AIG1: variants seen among roughly 807,000 people sequenced by gnomAD.
AIG1 encodes androgen-induced gene 1 protein.
AIG1 carries 23 observed loss-of-function variants against 31.4 expected under a neutral mutation model. That is an observed-to-expected ratio of 0.73 (90% confidence interval 0.53 to 1.04). The LOEUF (loss-of-function observed/expected upper bound fraction) is 1.04, where lower values mean the gene tolerates loss of function less well. AIG1 is among the 50% of genes least tolerant of loss of function. The pLI is 0.00. For synonymous variants in AIG1, 100 were observed against 110.5 expected (o/e 0.90, Z 0.60); for missense variants, 274 against 295.0 (o/e 0.93, Z 0.52).
Position 143,284,197 on chromosome 6 carries a change from T to G in AIG1, c.487T>G (p.Cys163Gly). 6.2e-7 allele frequency: 1 copy of G among 1,613,648 alleles called. No individual in the cohort carries two copies. Among genetic ancestry groups the G allele is most frequent in the Non-Finnish European group, 8.5e-7 (1 of 1,179,586 alleles). The change falls in exon 4 of 6, where the codon TGT becomes GGT. Residue 163 changes from cysteine to glycine, a missense_variant. Transcript: ENST00000357847. The surrounding 1 kb of genome is among the most constrained non-coding windows in gnomAD (Gnocchi z 4.4). ...PSRSSGLTAICTFSVGYILWV... is the reference protein window; with the variant it reads ...PSRSSGLTAIGTFSVGYILWV... ...CAGGAGCAGCGGACTTACCGCCATA[T>G]GTACCTTCTCTGTTGGCTATATATT...
intron 4 of AIG1, among the ~76,000 whole-genome samples, chr6:143,300,967 T>C (rs1032822882): frequency 1.3e-5 from 2 of 152,212 alleles, no homozygotes; most frequent in African/African-American, 2.4e-5. Context: ...TTTATTTATT[T>C]CTTTTTTTTG....
chr6:143,191,259 ATC>A (rs1401214442), intron 3 of AIG1, among the ~76,000 whole-genome samples: 2 of 152,198 alleles, frequency 1.3e-5, no homozygotes, highest in African/African-American at 4.8e-5. Flanking sequence ...TACTGGCATC[ATC>A]TCAAGATTCT....
rs192399808 is a variant in AIG1 at position 143,065,176 on chromosome 6, T to C, written c.141+4110T>C. On this transcript the variant is annotated intron_variant, in intron 1 of 5. Coordinates refer to ENST00000357847, the MANE Select transcript of AIG1 (RefSeq NM_016108.4). Reference sequence around the variant, plus strand: ...ATTGGCTGTTTTACTTCTTTTGTGGTTTTTCGGTTGCCCCAGACTTCTTGG... The same window carrying C: ...ATTGGCTGTTTTACTTCTTTTGTGGCTTTTCGGTTGCCCCAGACTTCTTGG... 3.3e-4 allele frequency among the ~76,000 whole-genome samples: 51 copies of C among 152,254 alleles called. No individual in the cohort carries two copies. The East Asian group carries it at 8.3e-3, about 25-fold the overall frequency.
At chr6:143,114,900 A>G (rs1172003880) in intron 1 of AIG1, among the ~76,000 whole-genome samples, 1 of 152,320 alleles carries the variant, frequency 6.6e-6, no homozygotes, top group East Asian at 1.9e-4. Flanking sequence ...TGGAGTTGTT[A>G]CGAAGAGTAG....
intron 1 of AIG1, among the ~76,000 whole-genome samples, chr6:143,062,225 C>T (rs1311001576): frequency 6.6e-6 from 1 of 152,216 alleles, no homozygotes; most frequent in African/African-American, 2.4e-5. Context: ...TAGATACTTT[C>T]AGAGTGGAAT....
At chr6:143,173,336 T>TAAAGACGTG (rs1232491035) in intron 3 of AIG1, among the ~76,000 whole-genome samples, 2 of 152,240 alleles carry the variant, frequency 1.3e-5, no homozygotes, top group Non-Finnish European at 2.9e-5. Flanking sequence ...GTGCTGGGAT[T>TAAAGACGTG]AAAGACGTGA....
At chr6:143,272,454 G>C (rs151002088) in intron 3 of AIG1, among the ~76,000 whole-genome samples, 1 of 152,310 alleles carries the variant, frequency 6.6e-6, no homozygotes, top group East Asian at 1.9e-4. Context: ...TGGTAGAGAA[G>C]AGAGAGAGTG....
chr6:143,239,230 C>T (rs188267069), intron 3 of AIG1, among the ~76,000 whole-genome samples: 1 of 151,988 alleles, frequency 6.6e-6, no homozygotes, highest in African/African-American at 2.4e-5. Flanking sequence ...TTGGTGTGGC[C>T]CCTGAAGGAA....
chr6:143,102,654 A>G (rs1780406106), intron 1 of AIG1, among the ~76,000 whole-genome samples: 1 of 150,816 alleles, frequency 6.6e-6, no homozygotes, highest in Non-Finnish European at 1.5e-5. Flanking sequence ...TTAACATGTA[A>G]CAGTATTCTA....
At position 143,329,995 on chromosome 6, in the gene AIG1, A is replaced by G. The variant is rs1232559448; in HGVS notation, c.516-3287A>G. Among the ~76,000 whole-genome samples, 3 of 152,170 alleles carry G rather than the reference A, an allele frequency of 2.0e-5. No homozygotes were observed. Among genetic ancestry groups the G allele is most frequent in the Non-Finnish European group, 4.4e-5 (3 of 68,024 alleles). On this transcript the variant is annotated intron_variant, in intron 4 of 5. Coordinates refer to ENST00000357847, the MANE Select transcript of AIG1 (RefSeq NM_016108.4). The surrounding 1 kb of genome is among the most constrained non-coding windows in gnomAD (Gnocchi z 4.9). Reference sequence around the variant, plus strand: ...AAATATAGTGACAAAAAGCATAAAGATTTTGGAGGTTTTTTTTGAGATTAA... The same window carrying G: ...AAATATAGTGACAAAAAGCATAAAGGTTTTGGAGGTTTTTTTTGAGATTAA...
At chr6:143,093,488 G>T (rs570030462) in intron 1 of AIG1, among the ~76,000 whole-genome samples, 3 of 152,168 alleles carry the variant, frequency 2.0e-5, no homozygotes, top group Non-Finnish European at 4.4e-5. Flanking sequence ...AACTTTCTCC[G>T]TGTCAGCAAT....
intron 2 of AIG1, among the ~76,000 whole-genome samples, chr6:143,149,010 G>A (rs1430127348): frequency 1.3e-5 from 2 of 152,072 alleles, no homozygotes; most frequent in Non-Finnish European, 2.9e-5. Context: ...ATACCACCTA[G>A]GTTTGTGTAA....
intron 2 of AIG1, among the ~76,000 whole-genome samples, chr6:143,155,138 C>T (rs188406804): frequency 6.4e-4 from 97 of 151,702 alleles, no homozygotes; most frequent in African/African-American, 1.4e-3. Flanking sequence ...GGATTACAGG[C>T]GGGAGCCACT....
chr6:143,324,002 C>CT (rs1225883687), intron 4 of AIG1, among the ~76,000 whole-genome samples: 1 of 152,154 alleles, frequency 6.6e-6, no homozygotes, highest in Admixed American at 6.5e-5. Context: ...CAAACCTGTC[C>CT]TTGAAAAGTC....
chr6:143,121,751 A>C (rs1164048144), intron 1 of AIG1, among the ~76,000 whole-genome samples: 1 of 152,206 alleles, frequency 6.6e-6, no homozygotes. Context: ...GTTATTGTTA[A>C]TGACTGATTT....
chr6:143,198,082 C>T (rs1283091407), intron 3 of AIG1, among the ~76,000 whole-genome samples: 1 of 152,110 alleles, frequency 6.6e-6, no homozygotes, highest in South Asian at 2.1e-4. Flanking sequence ...GACCCTGTGA[C>T]CTATGTGCAA....
intron 1 of AIG1, among the ~76,000 whole-genome samples, chr6:143,086,141 C>T (rs1259906411): frequency 6.6e-6 from 1 of 152,154 alleles, no homozygotes; most frequent in Non-Finnish European, 1.5e-5. Flanking sequence ...TTTGGGCCAT[C>T]CATGGCTGAG....
intron 3 of AIG1, among the ~76,000 whole-genome samples, chr6:143,195,675 G>T (rs539036144): frequency 6.6e-6 from 1 of 151,058 alleles, no homozygotes; most frequent in African/African-American, 2.4e-5. Context: ...GGGAGCCCTC[G>T]CCAGGGAGGG....
intron 4 of AIG1, among the ~76,000 whole-genome samples, chr6:143,311,004 C>A (rs139910850): frequency 3.3e-5 from 5 of 151,816 alleles, no homozygotes; most frequent in African/African-American, 4.8e-5. Flanking sequence ...ACTGGCAAAT[C>A]CTACCAAACA....
Sources: gnomAD v4.1 joint callset for allele counts (sites outside exome capture counted in the v4.1 genomes callset) on GRCh38, gnomAD v4.1.1 for gene constraint, Gnocchi (gnomAD v3.1) non-coding constraint, MANE v1.5 for transcripts, NCBI Gene and HGNC (gene_info 2026-07-23, HGNC 2026-07-21) for gene names.